Variants in GALNT13 observed in about 807,000 individuals in gnomAD.
GALNT13 encodes the protein polypeptide N-acetylgalactosaminyltransferase 13, also known as UDP-GalNAc:polypeptide N-acetylgalactosaminyltransferase 13.
GALNT13 carries 28 observed loss-of-function variants against 64.2 expected under a neutral mutation model. That is an observed-to-expected ratio of 0.44 (90% confidence interval 0.32 to 0.60). The LOEUF (loss-of-function observed/expected upper bound fraction) is 0.60, where lower values mean the gene tolerates loss of function less well. Among genes scored for constraint, GALNT13 ranks in the 20% least tolerant of loss-of-function variants. The pLI is 0.05. For missense variants in GALNT13, 577 were observed against 669.8 expected, an observed-to-expected ratio of 0.86 and a Z score of 1.53; for synonymous variants, 214 against 224.6, an observed-to-expected ratio of 0.95 and a Z score of 0.42.
the GALNT13 span, among the ~76,000 whole-genome samples, chr2:153,414,826 A>G: frequency 5.3e-3 from 811 of 152,236 alleles, 7 homozygotes; most frequent in Non-Finnish European, 6.4e-3. Flanking sequence ...TACCATTGAA[A>G]GGTTACAATG....
chr2:154,141,835 A>C (rs924224640), intron 4 of GALNT13, among the ~76,000 whole-genome samples: 1 of 152,196 alleles, frequency 6.6e-6, no homozygotes, highest in African/African-American at 2.4e-5. Context: ...AGAAATATGC[A>C]CTTGGAAATA....
At chr2:154,251,952 T>A (rs1690091493) in intron 7 of GALNT13, among the ~76,000 whole-genome samples, 1 of 152,200 alleles carries the variant, frequency 6.6e-6, no homozygotes, top group Non-Finnish European at 1.5e-5. Flanking sequence ...ACGTGAAGAT[T>A]TCAGCTATTC....
At chr2:154,392,888 G>A (rs1698862853) in intron 9 of GALNT13, among the ~76,000 whole-genome samples, 2 of 152,176 alleles carry the variant, frequency 1.3e-5, no homozygotes, top group South Asian at 4.1e-4. Context: ...GTTAGGACCA[G>A]GATGGTAACA....
At chr2:154,411,400 G>A (rs1574257604) in intron 11 of GALNT13, among the ~76,000 whole-genome samples, 1 of 149,338 alleles carries the variant, frequency 6.7e-6, no homozygotes, top group Non-Finnish European at 1.5e-5. Flanking sequence ...ACAAACAATG[G>A]AAACAATTCA....
the GALNT13 span, among the ~76,000 whole-genome samples, chr2:153,245,265 C>T: frequency 3.3e-5 from 5 of 152,226 alleles, no homozygotes; most frequent in Admixed American, 6.5e-5. Flanking sequence ...GGAGGATTCT[C>T]GCAGCACAGC....
At chr2:153,318,274 G>A in the GALNT13 span, among the ~76,000 whole-genome samples, 1 of 152,136 alleles carries the variant, frequency 6.6e-6, no homozygotes. Flanking sequence ...GATTGGCGTG[G>A]AGCCCTGCTC....
chr2:153,167,242 A>G, the GALNT13 span, among the ~76,000 whole-genome samples: 1,199 of 152,252 alleles, frequency 7.9e-3, 13 homozygotes, highest in African/African-American at 0.027. Flanking sequence ...ATCCATCCCA[A>G]CAGAAGGGTC....
the GALNT13 span, among the ~76,000 whole-genome samples, chr2:153,075,298 C>G: frequency 6.6e-6 from 1 of 152,144 alleles, no homozygotes; most frequent in Non-Finnish European, 1.5e-5. Context: ...CTTATTCAGA[C>G]TGTTGAGTTA....
At chr2:154,136,762 A>G (rs1400539124) in intron 3 of GALNT13, among the ~76,000 whole-genome samples, 2 of 152,096 alleles carry the variant, frequency 1.3e-5, no homozygotes, top group African/African-American at 2.4e-5. Context: ...TAATTTCACT[A>G]TATAATTAGG....
chr2:154,283,965 G>A (rs780283404), intron 8 of GALNT13, among the ~76,000 whole-genome samples: 1 of 152,090 alleles, frequency 6.6e-6, no homozygotes, highest in Non-Finnish European at 1.5e-5. Context: ...GGGAAAGTAC[G>A]TATATTCTTT....
At chr2:153,721,841 C>T in the GALNT13 span, among the ~76,000 whole-genome samples, 2 of 151,542 alleles carry the variant, frequency 1.3e-5, no homozygotes, top group African/African-American at 2.4e-5. Context: ...GACTTAGACT[C>T]CCACACAATA....
the GALNT13 span, among the ~76,000 whole-genome samples, chr2:153,711,333 A>T: frequency 2.0e-5 from 3 of 152,134 alleles, no homozygotes; most frequent in South Asian, 6.2e-4. Flanking sequence ...TGCCATCATA[A>T]GTAACTTGAA....
At chr2:154,083,458 G>A (rs1701379197) in intron 3 of GALNT13, among the ~76,000 whole-genome samples, 1 of 152,006 alleles carries the variant, frequency 6.6e-6, no homozygotes, top group African/African-American at 2.4e-5. Context: ...GAAAGACAAT[G>A]GTGGCTTGAT....
the GALNT13 span, among the ~76,000 whole-genome samples, chr2:153,631,127 A>G: frequency 1.3e-5 from 2 of 152,146 alleles, no homozygotes; most frequent in South Asian, 4.1e-4. Flanking sequence ...ATGTCCCTAC[A>G]AAGGACATGA....
chr2:154,409,556 C>G (rs1344705110), intron 11 of GALNT13, among the ~76,000 whole-genome samples: 1 of 151,922 alleles, frequency 6.6e-6, no homozygotes, highest in Non-Finnish European at 1.5e-5. Context: ...TCTTAGACAG[C>G]CTTTCTTGTG....
chr2:154,255,211 G>T (rs1690305717), intron 7 of GALNT13, among the ~76,000 whole-genome samples: 1 of 152,156 alleles, frequency 6.6e-6, no homozygotes, highest in African/African-American at 2.4e-5. Flanking sequence ...AGAGGAAAAA[G>T]TTAAGGACAG....
the GALNT13 span, among the ~76,000 whole-genome samples, chr2:153,111,549 A>G: frequency 6.6e-6 from 1 of 152,106 alleles, no homozygotes; most frequent in Non-Finnish European, 1.5e-5. Context: ...GGAAAAATGT[A>G]ATTTTAAAGC....
chr2:153,863,142 T>C, the GALNT13 span, among the ~76,000 whole-genome samples: 1 of 152,172 alleles, frequency 6.6e-6, no homozygotes, highest in Non-Finnish European at 1.5e-5. Context: ...TATTAGTTTG[T>C]CTACTTAAAA....
chr2:154,405,985 T>A (rs1699519938), intron 10 of GALNT13, among the ~76,000 whole-genome samples: 1 of 152,146 alleles, frequency 6.6e-6, no homozygotes, highest in Admixed American at 6.6e-5. Context: ...TGGAGTAACA[T>A]TTAAAAGGTA....
Sources: gnomAD v4.1 joint callset for allele counts (sites outside exome capture counted in the v4.1 genomes callset) on GRCh38, gnomAD v4.1.1 for gene constraint, MANE v1.5 for transcripts, NCBI Gene and HGNC (gene_info 2026-07-23, HGNC 2026-07-21) for gene names.